Variants in SENP7 observed in about 807,000 individuals in gnomAD.
SENP7 encodes the protein SUMO specific peptidase 7.
A neutral mutation model predicts 141.2 loss-of-function variants in SENP7; 64 were observed. That is an observed-to-expected ratio of 0.45 (90% CI 0.37 to 0.56). SENP7 has a LOEUF of 0.56. Among genes scored for constraint, SENP7 ranks in the 20% least tolerant of loss-of-function variants. The pLI is 0.00. For synonymous variants in SENP7, 382 were observed against 426.4 expected (o/e 0.90, Z 1.28); for missense variants, 1,025 against 1,212.2 (o/e 0.85, Z 2.29).
intron 11 of SENP7, among the ~76,000 whole-genome samples, chr3:101,357,063 C>A (rs1201925688): frequency 6.6e-6 from 1 of 151,916 alleles, no homozygotes; most frequent in African/African-American, 2.4e-5. Context: ...TGCAATGGCG[C>A]AATCTCGGCT....
At chr3:101,341,072 A>G (rs1192301917) in intron 15 of SENP7, among the ~76,000 whole-genome samples, 2 of 152,226 alleles carry the variant, frequency 1.3e-5, no homozygotes, top group Non-Finnish European at 2.9e-5. Flanking sequence ...AAGTGCTAAT[A>G]TGATAGTTTC....
intron 4 of SENP7, among the ~76,000 whole-genome samples, chr3:101,433,149 T>G (rs1467837794): frequency 6.6e-6 from 1 of 152,162 alleles, no homozygotes; most frequent in Non-Finnish European, 1.5e-5. Flanking sequence ...TTTATTAATT[T>G]TTATTTTGCT....
Position 101,513,195 on chromosome 3 carries a change from G to A in SENP7, c.-65C>T. The A allele has an allele frequency of 1.5e-6, 1 of 669,352 alleles. No individual in the cohort carries two copies. Among genetic ancestry groups the A allele is most frequent in the Non-Finnish European group, 2.5e-6 (1 of 403,502 alleles). The allele number at this position is 669,352 out of a possible 1,614,324, so 41.5% of individuals were successfully genotyped here. A position where few individuals can be genotyped will look rare whatever the true frequency, so the allele number is the denominator to read the frequency against. ...CCTCAGGACCCCTCCGGCTTGGAGA[G>A]GGAGGGGGAGGGGAAAGGAAAAAAA... is the stretch of plus-strand genomic sequence containing the variant. On this transcript the variant is annotated 5_prime_UTR_variant, in exon 1 of 24. Transcript: ENST00000394095.
intron 16 of SENP7, 33 bp downstream of exon 16, chr3:101,340,062 A>G (rs781287982): frequency 1.3e-6 from 2 of 1,511,374 alleles, no homozygotes; most frequent in Admixed American, 2.5e-5. Context: ...TAAAATCTGT[A>G]AAATATGTAG....
chr3:101,381,426 A>AT (rs2060498439), intron 6 of SENP7, among the ~76,000 whole-genome samples: 1 of 152,160 alleles, frequency 6.6e-6, no homozygotes, highest in African/African-American at 2.4e-5. Context: ...ATTTTTCATG[A>AT]TTATAATCAT....
chr3:101,499,535 A>ATTTTTTTT (rs55855998), intron 2 of SENP7, among the ~76,000 whole-genome samples: 37 of 138,740 alleles, frequency 2.7e-4, no homozygotes, highest in African/African-American at 4.6e-4. Context: ...TGCCCAGCTA[A>ATTTTTTTT]TTTTTTTTTT....
chr3:101,448,863 A>T (rs1034582544), intron 4 of SENP7, among the ~76,000 whole-genome samples: 2 of 152,226 alleles, frequency 1.3e-5, no homozygotes, highest in Non-Finnish European at 2.9e-5. Flanking sequence ...GCAACGGAAC[A>T]AAGCTGGACA....
At chr3:101,354,069 ATT>A (rs1192663794) in intron 11 of SENP7, among the ~76,000 whole-genome samples, 1 of 151,946 alleles carries the variant, frequency 6.6e-6, no homozygotes, top group Non-Finnish European at 1.5e-5. Context: ...TTTTTAGGTT[ATT>A]CATTATACTT....
intron 4 of SENP7, among the ~76,000 whole-genome samples, chr3:101,443,412 AGGATTGATTTGGCG>A (rs2107786811): frequency 1.3e-5 from 2 of 151,212 alleles, no homozygotes; most frequent in African/African-American, 4.8e-5. Flanking sequence ...CTTTTGGCTT[AGGATTGATTTGGCG>A]ATGCGGGCTC....
chr3:101,369,097 AATC>A (rs1374701895), intron 7 of SENP7, among the ~76,000 whole-genome samples: 1 of 152,250 alleles, frequency 6.6e-6, no homozygotes, highest in Admixed American at 6.5e-5. Context: ...AACTCATGCC[AATC>A]ATTACTAAAA....
At chr3:101,427,639 G>A (rs2062009212) in intron 4 of SENP7, among the ~76,000 whole-genome samples, 1 of 151,950 alleles carries the variant, frequency 6.6e-6, no homozygotes, top group Admixed American at 6.6e-5. Context: ...CATCAGCACA[G>A]AATTTCCTTT....
At chr3:101,423,658 T>C (rs112418203) in intron 4 of SENP7, among the ~76,000 whole-genome samples, 8 of 152,116 alleles carry the variant, frequency 5.3e-5, no homozygotes, top group African/African-American at 1.9e-4. Flanking sequence ...GCACTCCTAA[T>C]AGATCTTCAG....
At chr3:101,375,516 T>C (rs1219358751) in intron 6 of SENP7, among the ~76,000 whole-genome samples, 1 of 114,972 alleles carries the variant, frequency 8.7e-6, no homozygotes, top group Non-Finnish European at 1.6e-5. Context: ...CACTCCAGCG[T>C]GGGCAACAAG....
In SENP7 at chr3:101,347,859, A is replaced by C; in HGVS notation, c.1837+13T>G. On this transcript the variant is annotated intron_variant, in intron 13 of 23. Coordinates refer to ENST00000394095, the MANE Select transcript of SENP7 (RefSeq NM_020654.5). ...CAAGTTATCCTGAAATTTAGAAATC[A>C]TTTTATACTCACATTGCTGGCTTAA... is the stretch of plus-strand genomic sequence containing the variant. The C allele has an allele frequency of 7.5e-7, 1 of 1,339,864 alleles. No individual in the cohort carries two copies. Among genetic ancestry groups the C allele is most frequent in the Non-Finnish European group, 9.9e-7 (1 of 1,008,744 alleles). The allele number at this position is 1,339,864 out of a possible 1,614,324, so 83.0% of individuals were successfully genotyped here.
At chr3:101,385,899 AAATCAGGAT>A (rs1332847754) in intron 6 of SENP7, among the ~76,000 whole-genome samples, 3 of 152,248 alleles carry the variant, frequency 2.0e-5, no homozygotes, top group Non-Finnish European at 4.4e-5. Flanking sequence ...AGGACCAGAA[AAATCAGGAT>A]ATCAAGACAC....
intron 11 of SENP7, among the ~76,000 whole-genome samples, chr3:101,356,629 A>G (rs1559710978): frequency 1.3e-5 from 2 of 152,348 alleles, no homozygotes; most frequent in East Asian, 3.9e-4. Flanking sequence ...TGATATTTAC[A>G]TAGAATCAAT....
At chr3:101,441,124 C>T (rs1344037862) in intron 4 of SENP7, among the ~76,000 whole-genome samples, 2 of 152,156 alleles carry the variant, frequency 1.3e-5, no homozygotes, top group Admixed American at 6.5e-5. Flanking sequence ...ATCCCAGAAC[C>T]AAATAGTAAC....
At chr3:101,511,517 G>A (rs1277549715) in intron 1 of SENP7, among the ~76,000 whole-genome samples, 1 of 152,100 alleles carries the variant, frequency 6.6e-6, no homozygotes, top group Non-Finnish European at 1.5e-5. Flanking sequence ...TTTGGTGGGG[G>A]GTGGAGACTA....
intron 6 of SENP7, among the ~76,000 whole-genome samples, chr3:101,393,780 T>C (rs1257427614): frequency 6.6e-6 from 1 of 152,182 alleles, no homozygotes; most frequent in Non-Finnish European, 1.5e-5. Context: ...CTGCTCTTCA[T>C]AGCATGGTAG....
Sources: allele counts gnomAD v4.1 joint callset (sites outside exome capture counted in the v4.1 genomes callset), GRCh38; gene constraint gnomAD v4.1.1; transcripts MANE v1.5; gene names NCBI Gene and HGNC (gene_info 2026-07-23, HGNC 2026-07-21).